Variants in CCDC30 observed in about 807,000 individuals in gnomAD.
CCDC30 encodes coiled-coil domain containing 30.
In CCDC30, 70 loss-of-function variants were observed where a neutral mutation model predicts 100.2. That is an observed-to-expected ratio of 0.70 (90% CI 0.58 to 0.85). The LOEUF is 0.85. Among genes scored for constraint, CCDC30 ranks in the 40% least tolerant of loss-of-function variants. CCDC30 has a pLI of 0.00. For synonymous variants in CCDC30, 233 were observed against 269.5 expected, an observed-to-expected ratio of 0.86 and a Z score of 1.33; for missense variants, 652 against 771.2, an observed-to-expected ratio of 0.85 and a Z score of 1.83.
At chr1:42,571,840 T>C (rs975225944) in intron 7 of CCDC30, among the ~76,000 whole-genome samples, 1 of 152,204 alleles carries the variant, frequency 6.6e-6, no homozygotes, top group Non-Finnish European at 1.5e-5. Context: ...AGCTAAGCAC[T>C]CTACACACTT....
At chr1:42,518,282 A>G (rs146509704) in intron 6 of CCDC30, among the ~76,000 whole-genome samples, 292 of 152,278 alleles carry the variant, frequency 1.9e-3, no homozygotes, top group African/African-American at 6.6e-3. Context: ...TTGTTAGAGT[A>G]TAGAAATGCA....
intron 3 of CCDC30, among the ~76,000 whole-genome samples, chr1:42,487,110 C>CA (rs58763328): frequency 0.016 from 1,462 of 89,666 alleles, 10 homozygotes; most frequent in African/African-American, 0.025. Context: ...TGCCCTGTCT[C>CA]AAAAAAAAAA....
intron 7 of CCDC30, among the ~76,000 whole-genome samples, chr1:42,569,384 C>T (rs1165224188): frequency 1.3e-5 from 2 of 152,176 alleles, no homozygotes; most frequent in African/African-American, 2.4e-5. Context: ...AAAAGCTCAT[C>T]ATCGCTGGTC....
intron 6 of CCDC30, among the ~76,000 whole-genome samples, chr1:42,513,650 C>A (rs1644513531): frequency 6.6e-6 from 1 of 152,160 alleles, no homozygotes. Context: ...TTTGGGGGTG[C>A]TTTTCATGAA....
intron 6 of CCDC30, chr1:42,536,476 A>C (rs1371832677): frequency 1.3e-6 from 2 of 1,592,516 alleles, no homozygotes; most frequent in South Asian, 2.3e-5. Flanking sequence ...CTTTTTACAG[A>C]TCCTGAAAAT....
rs573608315 is a variant in CCDC30, at chr1:42,492,891, C to T, written c.241+2662C>T. 3.2e-4 allele frequency among the ~76,000 whole-genome samples: 48 copies of T among 152,068 alleles called. No individual in the cohort carries two copies. The East Asian group carries it at 8.5e-3, about 27-fold the overall frequency. On this transcript the variant is annotated intron_variant, in intron 4 of 16. Coordinates refer to ENST00000668663, the Ensembl canonical transcript of CCDC30. The stretch of plus-strand genomic sequence containing the variant: ...TGAACTCCTGACCTTGTGATCCACC[C>T]GCCTCAGCCTCCCAAAGTGCTGGGA...
chr1:42,583,513 G>A (rs147675897), intron 9 of CCDC30, among the ~76,000 whole-genome samples: 2 of 152,000 alleles, frequency 1.3e-5, no homozygotes, highest in African/African-American at 2.4e-5. Context: ...AAAATATTAC[G>A]ATCTGTTTAT....
At chr1:42,650,497 ATGTGTGTGTGTGTGTGTG>A (rs57051349) in intron 15 of CCDC30, among the ~76,000 whole-genome samples, 9 of 136,194 alleles carry the variant, frequency 6.6e-5, no homozygotes, top group East Asian at 4.2e-4. Context: ...AAAAATATAT[ATGTGTGTGTGTGTGTGTG>A]TGTGTGTGTG....
intron 6 of CCDC30, chr1:42,536,496 A>G (rs936824118): frequency 6.2e-7 from 1 of 1,608,000 alleles, no homozygotes; most frequent in South Asian, 1.1e-5. Context: ...TGAGCCAAGA[A>G]AAAAATGAAA....
chr1:42,580,476 A>G (rs1238984124), intron 8 of CCDC30, among the ~76,000 whole-genome samples: 1 of 152,188 alleles, frequency 6.6e-6, no homozygotes, highest in Non-Finnish European at 1.5e-5. Context: ...TATTAGAGGG[A>G]TAATAGCTAC....
At chr1:42,486,493 AGT>A (rs1424549732) in intron 3 of CCDC30, among the ~76,000 whole-genome samples, 1 of 152,172 alleles carries the variant, frequency 6.6e-6, no homozygotes, top group African/African-American at 2.4e-5. Context: ...CTAGGCAGAA[AGT>A]GTGTGTGTGA....
At chr1:42,608,890 A>G (rs1018076794) in intron 10 of CCDC30, among the ~76,000 whole-genome samples, 1 of 152,096 alleles carries the variant, frequency 6.6e-6, no homozygotes, top group Non-Finnish European at 1.5e-5. Context: ...AAACAAATTG[A>G]CCTTAGACAA....
At chr1:42,608,233 A>T (rs752235383) in intron 10 of CCDC30, among the ~76,000 whole-genome samples, 6 of 152,192 alleles carry the variant, frequency 3.9e-5, no homozygotes, top group Non-Finnish European at 8.8e-5. Context: ...ACGGTACTCT[A>T]TGGAAAGGAT....
chr1:42,480,625 G>T, intron 2 of CCDC30, 59 bp downstream of exon 2: 2 of 984,900 alleles, frequency 2.0e-6, no homozygotes, highest in Non-Finnish European at 2.4e-6. Context: ...ATTTATGTAC[G>T]TTTCATTTAT....
chr1:42,502,536 C>CA (rs1475369008), intron 6 of CCDC30, among the ~76,000 whole-genome samples: 4 of 152,184 alleles, frequency 2.6e-5, no homozygotes, highest in Admixed American at 6.5e-5. Flanking sequence ...ATGCAGAAAT[C>CA]ACCCATCTTC....
chr1:42,499,542 C>T (rs1487085295), intron 6 of CCDC30, among the ~76,000 whole-genome samples: 1 of 152,022 alleles, frequency 6.6e-6, no homozygotes, highest in Non-Finnish European at 1.5e-5. Context: ...GGGGTGCAGT[C>T]CTGGCTCGCT....
At chr1:42,479,676 T>A (rs1643927399) in intron 1 of CCDC30, among the ~76,000 whole-genome samples, 1 of 151,444 alleles carries the variant, frequency 6.6e-6, no homozygotes, top group Non-Finnish European at 1.5e-5. Flanking sequence ...CACCTGACAC[T>A]GGAGAGAGAT....
chr1:42,649,600 A>C (rs1192749758), intron 15 of CCDC30, among the ~76,000 whole-genome samples: 1 of 152,254 alleles, frequency 6.6e-6, no homozygotes, highest in East Asian at 1.9e-4. Context: ...TCTTTGCCAG[A>C]GCAATTAGGC....
chr1:42,588,600 A>C lies in CCDC30; in HGVS notation c.1002-721A>C, dbSNP rs570502366. Among the ~76,000 whole-genome samples, 6 of 152,310 alleles carry C rather than the reference A, an allele frequency of 3.9e-5. No individual in the cohort carries two copies. In the East Asian group the frequency reaches 1.2e-3, roughly 29 times the overall value. On this transcript the variant is annotated intron_variant, in intron 9 of 16. Transcript: ENST00000668663. The stretch of plus-strand genomic sequence containing the variant: ...GGGAATTTGAATGAGTTTAAGAGAT[A>C]GCCATTGTCTTGTGAAAAGGTCTGT...
Sources: gnomAD v4.1 joint callset for allele counts (sites outside exome capture counted in the v4.1 genomes callset) on GRCh38, gnomAD v4.1.1 for gene constraint, MANE v1.5 for transcripts, NCBI Gene and HGNC (gene_info 2026-07-23, HGNC 2026-07-21) for gene names.